The following ITGAV variants were observed in gnomAD, a reference collection of about 807,000 sequenced individuals.
ITGAV encodes integrin alpha-V.
ITGAV carries 76 observed loss-of-function variants against 143.8 expected under a neutral mutation model. The observed-to-expected ratio is 0.53, with a 90% confidence interval of 0.44 to 0.64. The LOEUF (loss-of-function observed/expected upper bound fraction) is 0.64. ITGAV is among the 30% of genes least tolerant of loss of function. The pLI is 0.00. For synonymous variants in ITGAV, 453 were observed against 446.7 expected (o/e 1.01, Z -0.18); for missense variants, 1,193 against 1,274.7 (o/e 0.94, Z 0.98).
At chr2:186,632,783 G>T (rs968478829) in intron 5 of ITGAV, among the ~76,000 whole-genome samples, 1 of 152,036 alleles carries the variant, frequency 6.6e-6, no homozygotes, top group African/African-American at 2.4e-5. Flanking sequence ...TAAAAAAATT[G>T]TAACCTGATA....
At chr2:186,607,323 T>G (rs1687094836) in intron 2 of ITGAV, among the ~76,000 whole-genome samples, 1 of 152,200 alleles carries the variant, frequency 6.6e-6, no homozygotes, top group Non-Finnish European at 1.5e-5. Flanking sequence ...GTGGGAGATA[T>G]TACAACACTT....
intron 2 of ITGAV, among the ~76,000 whole-genome samples, chr2:186,617,861 T>G (rs1687410088): frequency 6.6e-6 from 1 of 152,246 alleles, no homozygotes; most frequent in Admixed American, 6.5e-5. Flanking sequence ...TCTTGGCTGT[T>G]GCCGGAGAAA....
At chr2:186,619,401 G>T (rs1310307372) in intron 2 of ITGAV, among the ~76,000 whole-genome samples, 3 of 152,110 alleles carry the variant, frequency 2.0e-5, no homozygotes, top group African/African-American at 7.2e-5. Flanking sequence ...GGCTGGGAAA[G>T]GTAGGGAGAA....
intron 1 of ITGAV, among the ~76,000 whole-genome samples, chr2:186,600,749 A>C (rs1472622064): frequency 6.6e-6 from 1 of 152,248 alleles, no homozygotes; most frequent in Non-Finnish European, 1.5e-5. Context: ...ACCTGAGGTC[A>C]GGAGTTAGAG....
At chr2:186,641,103 C>A (rs781313928) in intron 11 of ITGAV, 136 bp downstream of exon 11, 20 of 740,486 alleles carry the variant, frequency 2.7e-5, no homozygotes, top group Non-Finnish European at 4.2e-5. Context: ...CAATTTGAAG[C>A]AACCTTAATC....
chr2:186,624,407 A>C (rs1372809760), intron 3 of ITGAV, among the ~76,000 whole-genome samples: 2 of 150,552 alleles, frequency 1.3e-5, no homozygotes, highest in South Asian at 2.1e-4. Flanking sequence ...TTGGAGGTGA[A>C]GGATGGGGTT....
intron 17 of ITGAV, among the ~76,000 whole-genome samples, chr2:186,657,807 C>G (rs1001742746): frequency 6.6e-6 from 1 of 151,990 alleles, no homozygotes; most frequent in Non-Finnish European, 1.5e-5. Flanking sequence ...AAAGAAGAAA[C>G]AGAAAACCTG....
intron 25 of ITGAV, among the ~76,000 whole-genome samples, chr2:186,669,191 C>A (rs555905297): frequency 1.3e-5 from 2 of 152,270 alleles, no homozygotes; most frequent in Admixed American, 1.3e-4. Flanking sequence ...GACCTTGGCT[C>A]CATCACGTTG....
At chr2:186,596,719 A>G (rs1686759443) in intron 1 of ITGAV, among the ~76,000 whole-genome samples, 1 of 151,910 alleles carries the variant, frequency 6.6e-6, no homozygotes, top group Non-Finnish European at 1.5e-5. Flanking sequence ...TTTATTCCTT[A>G]ATTTTTTTAT....
intron 10 of ITGAV, among the ~76,000 whole-genome samples, chr2:186,639,603 G>C (rs1000424630): frequency 6.6e-6 from 1 of 152,188 alleles, no homozygotes; most frequent in African/African-American, 2.4e-5. Context: ...GGAAGTGGGG[G>C]TGGCTAGAGA....
In ITGAV at chr2:186,641,403, T is replaced by C. The variant is rs1476456838; in HGVS notation, c.974T>C (p.Ile325Thr). 1.9e-6 allele frequency: 3 copies of C among 1,613,990 alleles called. No homozygotes were observed. The highest frequency in any genetic ancestry group is 1.7e-6 in the Non-Finnish European group (2 of 1,179,924). Reference sequence around the variant, plus strand: ...TCTTCTAGTTATGCAGATGTGTTTATTGGAGCACCTCTCTTCATGGATCGT... The same window carrying C: ...TCTTCTAGTTATGCAGATGTGTTTACTGGAGCACCTCTCTTCATGGATCGT... ...INGDDYADVF[I>T]GAPLFMDRGS... Residue 325 changes from isoleucine (I) to threonine (T), a missense_variant, in exon 12 of 30, where the codon ATT becomes ACT. Transcript: ENST00000261023.
At position 186,664,475 on chromosome 2, in the gene ITGAV, T is replaced by A. The variant is rs1365718284; in HGVS notation, c.1926-19T>A. ...GTAGTCTTTTTTTCTCAGTCTGGAT[T>A]TGTATTGTTAACTTGTAGTGATCAA... On this transcript the variant is annotated intron_variant, in intron 19 of 29. Transcript: ENST00000261023. The A allele has an allele frequency of 2.5e-6, 4 of 1,610,768 alleles. No individual in the cohort carries two copies. The highest frequency in any genetic ancestry group is 3.4e-6 in the Non-Finnish European group (4 of 1,178,406).
chr2:186,627,806 A>C (rs943865534), intron 4 of ITGAV, among the ~76,000 whole-genome samples: 18 of 152,180 alleles, frequency 1.2e-4, no homozygotes, highest in African/African-American at 4.3e-4. Context: ...TAATCTAAAT[A>C]ATAAAACCTC....
chr2:186,671,331 CTTACTAT>C (rs1689056669), intron 26 of ITGAV, among the ~76,000 whole-genome samples: 1 of 152,100 alleles, frequency 6.6e-6, no homozygotes, highest in Admixed American at 6.6e-5. Flanking sequence ...ATCTCCTCTC[CTTACTAT>C]TCTCTTTCTC....
At chr2:186,630,547 A>G (rs183822377) in intron 4 of ITGAV, among the ~76,000 whole-genome samples, 174 of 151,900 alleles carry the variant, frequency 1.1e-3, no homozygotes, top group African/African-American at 3.9e-3. Context: ...AAAATTTATC[A>G]TTTTAGTTGG....
At chr2:186,672,175 C>T (rs996564029) in intron 26 of ITGAV, among the ~76,000 whole-genome samples, 1 of 152,030 alleles carries the variant, frequency 6.6e-6, no homozygotes, top group African/African-American at 2.4e-5. Context: ...GATGCTTGAT[C>T]TCCTGACCTC....
intron 1 of ITGAV, among the ~76,000 whole-genome samples, chr2:186,591,031 G>T (rs1686602786): frequency 6.6e-6 from 1 of 152,084 alleles, no homozygotes; most frequent in African/African-American, 2.4e-5. Flanking sequence ...TACTCCTTTT[G>T]CAGACATTCT....
At chr2:186,656,798 G>A (rs1343340170) in intron 17 of ITGAV, among the ~76,000 whole-genome samples, 2 of 152,144 alleles carry the variant, frequency 1.3e-5, no homozygotes, top group East Asian at 3.8e-4. Flanking sequence ...GAAGCCTAAG[G>A]AGAGGGCAGG....
At position 186,676,917 on chromosome 2, in the gene ITGAV, G is replaced by T. The variant is rs749052409; in HGVS notation, c.3033G>T (p.Leu1011Phe). ...VLAGLLLLAV[L>F]VFVMYRMGFF... ...CAGGATTGTTGCTACTGGCTGTTTT[G>T]GTATTTGTAATGTACAGGGTAAGTA... The change falls in exon 29 of 30, where the codon TTG becomes TTT. Residue 1011 changes from leucine to phenylalanine, a missense_variant. Coordinates refer to ENST00000261023, the MANE Select transcript of ITGAV (RefSeq NM_002210.5). The T allele has an allele frequency of 6.2e-7, 1 of 1,613,848 alleles. No individual in the cohort carries two copies. The highest frequency in any genetic ancestry group is 8.5e-7 in the Non-Finnish European group (1 of 1,179,906).
Sources: allele counts gnomAD v4.1 joint callset (sites outside exome capture counted in the v4.1 genomes callset), GRCh38; gene constraint gnomAD v4.1.1; transcripts MANE v1.5; gene names NCBI Gene and HGNC (gene_info 2026-07-23, HGNC 2026-07-21).